The following PCDHA6 variants were observed in gnomAD, a reference collection of about 807,000 sequenced individuals.
The protein encoded by PCDHA6 is protocadherin alpha-6.
Under a neutral mutation model 60.3 loss-of-function variants are expected in PCDHA6, and 55 were observed. The ratio of observed to expected loss-of-function variants is 0.91; its 90% confidence interval spans 0.73 to 1.14. The LOEUF (loss-of-function observed/expected upper bound fraction) is 1.14. Ranked by LOEUF, PCDHA6 falls within the 50% of genes most tolerant of loss-of-function variation. The pLI is 0.00. For missense variants in PCDHA6, 1,327 were observed against 1,256.5 expected (o/e 1.06, Z -0.85); for synonymous variants, 652 against 557.9 (o/e 1.17, Z -2.38).
intron 1 of PCDHA6, among the ~76,000 whole-genome samples, chr5:140,874,013 A>C (rs2054638776): frequency 6.6e-6 from 1 of 152,248 alleles, no homozygotes; most frequent in Non-Finnish European, 1.5e-5. Flanking sequence ...ACCACTTTTG[A>C]AAATGAAAAA....
intron 1 of PCDHA6, among the ~76,000 whole-genome samples, chr5:140,831,508 C>A (rs2150108067): frequency 6.9e-6 from 1 of 145,360 alleles, no homozygotes; most frequent in Admixed American, 7.1e-5. Context: ...CGAGCACCAC[C>A]ATGCCCCCCA....
At chr5:140,937,085 T>G (rs1386368270) in intron 1 of PCDHA6, among the ~76,000 whole-genome samples, 2 of 150,536 alleles carry the variant, frequency 1.3e-5, no homozygotes, top group African/African-American at 4.9e-5. Context: ...TCGCCCAGGC[T>G]GGAGTGCAGT....
rs2150169954 is a variant in PCDHA6 at position 140,829,555 on chromosome 5, G to T, written c.1464G>T (p.Ala488=). 1.3e-5 allele frequency: 21 copies of T among 1,612,718 alleles called. 1 individual carries two copies. The highest frequency in any genetic ancestry group is 1.7e-5 in the Non-Finnish European group (20 of 1,179,842). ...SARDADAQEN[A]LVSYSLVERR... is the part of the protein sequence containing the mutation. ...GAGACGCGGACGCGCAGGAGAACGC[G>T]CTGGTGTCCTACTCGCTGGTGGAGC... The change falls in exon 1 of 4, where the codon GCG becomes GCT. Residue 488 remains alanine, a synonymous_variant. Transcript: ENST00000529310.
intron 1 of PCDHA6, among the ~76,000 whole-genome samples, chr5:140,970,048 G>T (rs561588022): frequency 6.6e-6 from 1 of 152,296 alleles, no homozygotes; most frequent in African/African-American, 2.4e-5. Flanking sequence ...TTGTCTGGTT[G>T]GTCCAGGGAG....
chr5:140,874,444 T>C (rs2054916108), intron 1 of PCDHA6, among the ~76,000 whole-genome samples: 1 of 152,222 alleles, frequency 6.6e-6, no homozygotes, highest in South Asian at 2.1e-4. Context: ...TCCTAACTAC[T>C]AAATGACCTG....
chr5:140,977,543 A>G (rs905389015), intron 1 of PCDHA6, among the ~76,000 whole-genome samples: 3 of 152,224 alleles, frequency 2.0e-5, no homozygotes. Context: ...AGCAGCTTGC[A>G]TATGCATATC....
intron 1 of PCDHA6, chr5:140,849,014 C>T: frequency 1.3e-6 from 2 of 1,590,086 alleles, no homozygotes; most frequent in East Asian, 2.2e-5. Flanking sequence ...ACAGACTGAG[C>T]CCCAATGAGT....
At chr5:140,960,380 A>G (rs2095544105) in intron 1 of PCDHA6, among the ~76,000 whole-genome samples, 2 of 152,200 alleles carry the variant, frequency 1.3e-5, no homozygotes, top group African/African-American at 4.8e-5. Flanking sequence ...TTAAGTGCCA[A>G]GACATTAGGA....
At chr5:140,846,379 T>C (rs1554141291) in intron 1 of PCDHA6, among the ~76,000 whole-genome samples, 2 of 135,592 alleles carry the variant, frequency 1.5e-5, no homozygotes, top group South Asian at 2.3e-4. Context: ...CTTTCTTTTT[T>C]TTTTTTTTTT....
At chr5:140,940,498 C>T (rs185491489) in intron 1 of PCDHA6, among the ~76,000 whole-genome samples, 7 of 151,984 alleles carry the variant, frequency 4.6e-5, no homozygotes, top group Non-Finnish European at 8.8e-5. Flanking sequence ...AGTCTTGCTC[C>T]GTCGCTCAGG....
intron 1 of PCDHA6, among the ~76,000 whole-genome samples, chr5:140,897,653 G>A (rs1446334429): frequency 1.3e-5 from 2 of 152,100 alleles, no homozygotes; most frequent in Non-Finnish European, 2.9e-5. Flanking sequence ...AAACATACGT[G>A]TGCATGTGTC....
rs1236098574 is a variant in PCDHA6 at position 140,852,665 on chromosome 5, C to T, written c.2394+22180C>T. The T allele has an allele frequency of 2.1e-6, 2 of 964,268 alleles. 1 individual carries two copies. The highest frequency in any genetic ancestry group is 3.6e-5 in the African/African-American group (2 of 55,886). 59.7% of individuals were successfully genotyped at this position (964,268 alleles called of 1,614,324 possible). A position where few individuals can be genotyped will look rare whatever the true frequency, so the allele number is the denominator to read the frequency against. Reference sequence around the variant, plus strand: ...AAACCTATCTATATCTGTCTATCAGCACAACTCACCTTGAATATAGTCTTA... The same window carrying T: ...AAACCTATCTATATCTGTCTATCAGTACAACTCACCTTGAATATAGTCTTA... On this transcript the variant is annotated intron_variant, in intron 1 of 3. Transcript: ENST00000529310.
At chr5:140,898,816 C>T (rs1216644860) in intron 1 of PCDHA6, among the ~76,000 whole-genome samples, 5 of 152,148 alleles carry the variant, frequency 3.3e-5, no homozygotes, top group African/African-American at 1.2e-4. Context: ...TTCTTCCTAC[C>T]CATGAGCATG....
chr5:141,006,944 A>G (rs2098295543), intron 3 of PCDHA6, among the ~76,000 whole-genome samples: 1 of 152,202 alleles, frequency 6.6e-6, no homozygotes, highest in African/African-American at 2.4e-5. Context: ...GATACCAGAT[A>G]GGCAGTTATA....
chr5:140,851,043 C>T (rs2041935214), intron 1 of PCDHA6: 7 of 1,389,064 alleles, frequency 5.0e-6, no homozygotes, highest in Middle Eastern at 2.1e-4. Flanking sequence ...ACATTGGAGC[C>T]GACTTTGTCT....
Position 141,009,742 on chromosome 5 carries a change from C to A in PCDHA6, c.2658C>A (p.Asp886Glu). 6.2e-7 allele frequency: 1 copy of A among 1,614,160 alleles called. No individual in the cohort carries two copies. Among genetic ancestry groups the A allele is most frequent in the Non-Finnish European group, 8.5e-7 (1 of 1,180,038 alleles). The part of the protein sequence containing the change: ...PKQSGPGELP[D>E]KFIIPGSPAI... ...AATCCGGTCCCGGTGAGTTGCCCGA[C>A]AAATTCATTATCCCAGGATCTCCTG... is the stretch of plus-strand genomic sequence containing the variant. The change falls in exon 4 of 4, where the codon GAC becomes GAA. Residue 886 changes from aspartate to glutamate, a missense_variant. By Grantham distance (45) the Asp-to-Glu change is conservative. Coordinates refer to ENST00000529310, the MANE Select transcript of PCDHA6 (RefSeq NM_018909.4).
chr5:141,001,850 T>G (rs2098040443), intron 3 of PCDHA6, among the ~76,000 whole-genome samples: 1 of 152,164 alleles, frequency 6.6e-6, no homozygotes, highest in Admixed American at 6.5e-5. Context: ...AGAGAGAGGT[T>G]GATTAAATTG....
At chr5:140,947,550 G>T (rs967081376) in intron 1 of PCDHA6, among the ~76,000 whole-genome samples, 1 of 151,402 alleles carries the variant, frequency 6.6e-6, no homozygotes, top group Non-Finnish European at 1.5e-5. Flanking sequence ...AAAGAATTCC[G>T]CTGGGATTTA....
intron 1 of PCDHA6, chr5:140,836,932 C>G: frequency 4.1e-6 from 2 of 485,222 alleles, no homozygotes; most frequent in Non-Finnish European, 3.5e-6. Context: ...ATGCGTAATA[C>G]TATAGATCAA....
Sources: gnomAD v4.1 joint callset for allele counts (sites outside exome capture counted in the v4.1 genomes callset) on GRCh38, gnomAD v4.1.1 for gene constraint, MANE v1.5 for transcripts, NCBI Gene and HGNC (gene_info 2026-07-23, HGNC 2026-07-21) for gene names.